Variants in SPATS2L observed in about 807,000 individuals in gnomAD.
SPATS2L encodes spermatogenesis associated serine rich 2 like, also known as SPATS2-like protein.
SPATS2L carries 30 observed loss-of-function variants against 59.6 expected under a neutral mutation model. That is an observed-to-expected ratio of 0.50 (90% CI 0.38 to 0.68). The LOEUF is 0.68. Among genes scored for constraint, SPATS2L ranks in the 30% least tolerant of loss-of-function variants. The pLI, the probability that SPATS2L is intolerant of heterozygous loss-of-function variation, is 0.00. For synonymous variants in SPATS2L, 252 were observed against 263.5 expected, an observed-to-expected ratio of 0.96 and a Z score of 0.42; for missense variants, 615 against 700.0, an observed-to-expected ratio of 0.88 and a Z score of 1.37.
At chr2:200,385,802 C>T (rs1214077425) in intron 2 of SPATS2L, among the ~76,000 whole-genome samples, 6 of 152,082 alleles carry the variant, frequency 3.9e-5, no homozygotes, top group Admixed American at 3.3e-4. Flanking sequence ...ACGCCATTCT[C>T]CTGCCTCAGC....
chr2:200,314,917 T>A (rs1389052394), intron 1 of SPATS2L, among the ~76,000 whole-genome samples: 1 of 152,254 alleles, frequency 6.6e-6, no homozygotes, highest in African/African-American at 2.4e-5. Flanking sequence ...ATATAGTAGG[T>A]TAAACAAAAT....
At chr2:200,360,967 C>CTGCGTG (rs2081079574) in intron 2 of SPATS2L, among the ~76,000 whole-genome samples, 1 of 140,338 alleles carries the variant, frequency 7.1e-6, no homozygotes, top group Non-Finnish European at 1.5e-5. Context: ...CAGAACAGGG[C>CTGCGTG]TGTGTGTGTG....
intron 2 of SPATS2L, among the ~76,000 whole-genome samples, chr2:200,385,113 C>T (rs762034112): frequency 7.2e-5 from 11 of 152,218 alleles, no homozygotes; most frequent in South Asian, 2.1e-4. Flanking sequence ...CTCCTGTGGT[C>T]GATACATATT....
chr2:200,328,306 A>G (rs1391446600), intron 1 of SPATS2L, among the ~76,000 whole-genome samples: 1 of 152,112 alleles, frequency 6.6e-6, no homozygotes, highest in Non-Finnish European at 1.5e-5. Flanking sequence ...GTCCTGTGTT[A>G]TATCTTTGGC....
chr2:200,454,295 A>G (rs2085679525), intron 8 of SPATS2L, among the ~76,000 whole-genome samples: 1 of 152,102 alleles, frequency 6.6e-6, no homozygotes, highest in Non-Finnish European at 1.5e-5. Context: ...TATCAACTAC[A>G]TTGATGGTCC....
intron 6 of SPATS2L, among the ~76,000 whole-genome samples, chr2:200,424,406 T>C (rs956516773): frequency 2.6e-5 from 4 of 152,100 alleles, no homozygotes; most frequent in African/African-American, 9.7e-5. Flanking sequence ...GGAAAATCCT[T>C]TGAGCCCAGG....
intron 2 of SPATS2L, among the ~76,000 whole-genome samples, chr2:200,377,244 G>A (rs295120): frequency 2.6e-5 from 4 of 152,096 alleles, no homozygotes; most frequent in Non-Finnish European, 4.4e-5. Flanking sequence ...CTAGTAAGAG[G>A]TAGAGCTGGG....
chr2:200,455,390 G>A (rs1048051424), intron 8 of SPATS2L, among the ~76,000 whole-genome samples: 1 of 152,186 alleles, frequency 6.6e-6, no homozygotes, highest in East Asian at 1.9e-4. Context: ...TCAAGGTAGA[G>A]GGAAGGGCTT....
chr2:200,385,378 A>C (rs1286804120), intron 2 of SPATS2L, among the ~76,000 whole-genome samples: 1 of 152,224 alleles, frequency 6.6e-6, no homozygotes, highest in East Asian at 1.9e-4. Flanking sequence ...ACTTTAAACA[A>C]TTAAGATTTA....
intron 8 of SPATS2L, among the ~76,000 whole-genome samples, chr2:200,453,091 T>C (rs1559145982): frequency 6.6e-6 from 1 of 151,978 alleles, no homozygotes; most frequent in Non-Finnish European, 1.5e-5. Flanking sequence ...GAGAGGTGCA[T>C]GGGACAGACA....
intron 1 of SPATS2L, 105 bp from the exon 2 acceptor site, chr2:200,329,326 T>A: frequency 1.1e-6 from 1 of 950,610 alleles, no homozygotes; most frequent in Non-Finnish European, 1.6e-6. Flanking sequence ...TTCCCTGTCT[T>A]CTTGACTCCA....
intron 2 of SPATS2L, among the ~76,000 whole-genome samples, chr2:200,338,010 C>G (rs773403972): frequency 6.6e-6 from 1 of 152,084 alleles, no homozygotes; most frequent in Non-Finnish European, 1.5e-5. Flanking sequence ...ACCAGATATA[C>G]TCTGAAACAA....
At chr2:200,337,311 C>A (rs1185903262) in intron 2 of SPATS2L, among the ~76,000 whole-genome samples, 1 of 152,052 alleles carries the variant, frequency 6.6e-6, no homozygotes, top group Non-Finnish European at 1.5e-5. Flanking sequence ...GTCATCTAAG[C>A]TTTGGTATTT....
rs145080452 is a variant in SPATS2L at position 200,360,967 on chromosome 2, CTGTGTGTG to C, written c.-22-28233_-22-28226del. On this transcript the variant is annotated intron_variant, in intron 2 of 12. Transcript: ENST00000409140. ...TAGAACAGAACAGAGCAGAACAGGGCTGTGTGTGTGTGTGTGTGTGTGTGTGTGTGACT... is the reference window on the plus strand; with the variant it reads ...TAGAACAGAACAGAGCAGAACAGGGCTGTGTGTGTGTGTGTGTGTGTGACT... Among the ~76,000 whole-genome samples the C allele has an allele frequency of 2.9e-5, 4 of 140,336 alleles. No individual in the cohort carries two copies. The South Asian group carries it at 7.2e-4, about 25-fold the overall frequency. 92.1% of individuals were successfully genotyped at this position (140,336 alleles called of 152,430 possible). A position where few individuals can be genotyped will look rare whatever the true frequency, so the allele number is the denominator to read the frequency against.
intron 2 of SPATS2L, among the ~76,000 whole-genome samples, chr2:200,349,989 T>C (rs1006237035): frequency 2.4e-4 from 37 of 152,148 alleles, no homozygotes; most frequent in African/African-American, 8.9e-4. Context: ...GAGGCCTCAC[T>C]GTTAGTGCCC....
intron 4 of SPATS2L, among the ~76,000 whole-genome samples, chr2:200,415,105 CATTA>C (rs970954631): frequency 1.7e-4 from 26 of 152,110 alleles, no homozygotes; most frequent in African/African-American, 5.8e-4. Flanking sequence ...TGCTGTGAAA[CATTA>C]ATTCTCTGGA....
intron 2 of SPATS2L, among the ~76,000 whole-genome samples, chr2:200,332,032 G>A (rs1237875072): frequency 1.3e-5 from 2 of 152,092 alleles, no homozygotes; most frequent in African/African-American, 4.8e-5. Context: ...TATTGAACTT[G>A]GAACCCTTTT....
At chr2:200,317,435 G>T (rs2079416465) in intron 1 of SPATS2L, among the ~76,000 whole-genome samples, 1 of 152,126 alleles carries the variant, frequency 6.6e-6, no homozygotes, top group Non-Finnish European at 1.5e-5. Flanking sequence ...CTATGGAGGT[G>T]GTAAGTCAAA....
chr2:200,398,809 G>A (rs989904177), intron 3 of SPATS2L, among the ~76,000 whole-genome samples: 1 of 152,148 alleles, frequency 6.6e-6, no homozygotes, highest in African/African-American at 2.4e-5. Flanking sequence ...GCACCAACCT[G>A]AGTCCTGATA....
Sources: allele counts gnomAD v4.1 joint callset (sites outside exome capture counted in the v4.1 genomes callset), GRCh38; gene constraint gnomAD v4.1.1; transcripts MANE v1.5; gene names NCBI Gene and HGNC (gene_info 2026-07-23, HGNC 2026-07-21).